Variants in SERPINB4 observed in about 807,000 individuals in gnomAD.
SERPINB4 encodes the protein serpin B4.
In SERPINB4, 39 loss-of-function variants were observed where a neutral mutation model predicts 33.2. The ratio of observed to expected loss-of-function variants is 1.18; its 90% confidence interval spans 0.91 to 1.53. SERPINB4 has a LOEUF of 1.53. Ranked by LOEUF, SERPINB4 falls within the 40% of genes most tolerant of loss-of-function variation. SERPINB4 has a pLI of 0.00. For synonymous variants in SERPINB4, 191 were observed against 166.4 expected (o/e 1.15, Z -1.14); for missense variants, 564 against 455.4 (o/e 1.24, Z -2.17).
At chr18:63,641,325 A>G (rs72933786) in intron 4 of SERPINB4, among the ~76,000 whole-genome samples, 1 of 151,912 alleles carries the variant, frequency 6.6e-6, no homozygotes, top group Non-Finnish European at 1.5e-5. Flanking sequence ...GATGTTTCTG[A>G]TCTTTGTTTT....
chr18:63,643,966 T>C (rs1232540378), intron 1 of SERPINB4, among the ~76,000 whole-genome samples: 1 of 151,886 alleles, frequency 6.6e-6, no homozygotes, highest in Non-Finnish European at 1.5e-5. Flanking sequence ...TGACATCTCC[T>C]TCAAGACTCT....
chr18:63,639,391 A>ATT, intron 6 of SERPINB4, 51 bp from the exon 7 acceptor site: 3 of 1,529,444 alleles, frequency 2.0e-6, no homozygotes, highest in Non-Finnish European at 2.7e-6. Flanking sequence ...ACAAGACAAA[A>ATT]AAGATAATAT....
At position 63,639,765 on chromosome 18, in the gene SERPINB4, T is replaced by A. The variant is rs574609396; in HGVS notation, c.481A>T (p.Asn161Tyr). 9 of 1,608,520 alleles carry A rather than the reference T, an allele frequency of 5.6e-6. No homozygotes were observed. Among genetic ancestry groups the A allele is most frequent in the Non-Finnish European group, 7.6e-6 (9 of 1,177,658 alleles). Residue 161 changes from asparagine (N) to tyrosine (Y), a missense_variant, in exon 6 of 8, where the codon AAC becomes TAC. Coordinates refer to ENST00000341074, the MANE Select transcript of SERPINB4 (RefSeq NM_002974.4). ...VESQTNEKIKNLFPDGTIGND... is the reference protein window; with the variant it reads ...VESQTNEKIKYLFPDGTIGND... Reference sequence around the variant, plus strand: ...CCAATAGTCCCATCAGGAAATAGGTTTTTAATTTTTTCTGCAAGGGAAAGA... The same window carrying A: ...CCAATAGTCCCATCAGGAAATAGGTATTTAATTTTTTCTGCAAGGGAAAGA...
chr18:63,638,274 A>G (rs1490553346), intron 7 of SERPINB4, 151 bp from the exon 8 acceptor site: 1 of 852,320 alleles, frequency 1.2e-6, no homozygotes, highest in African/African-American at 1.7e-5. Context: ...TCTAATAGGT[A>G]AAATATGAGT....
At position 63,637,604 on chromosome 18, in the gene SERPINB4, T is replaced by G. The variant is rs544301747; in HGVS notation, c.*115A>C. 1.8e-6 allele frequency: 2 copies of G among 1,090,638 alleles called. No homozygotes were observed. The highest frequency in any genetic ancestry group is 3.2e-5 in the African/African-American group (2 of 63,194). The allele number at this position is 1,090,638 out of a possible 1,614,324, so 67.6% of individuals were successfully genotyped here. On this transcript the variant is annotated 3_prime_UTR_variant, in exon 8 of 8. Coordinates refer to ENST00000341074, the MANE Select transcript of SERPINB4 (RefSeq NM_002974.4). ...AAATTCTTGATGATGACTATCATCATCAAGATGAGATAGAAAAGAAATATG... is the reference window on the plus strand; with the variant it reads ...AAATTCTTGATGATGACTATCATCAGCAAGATGAGATAGAAAAGAAATATG...
chr18:63,641,065 G>T, intron 4 of SERPINB4, 74 bp from the exon 5 acceptor site: 3 of 1,234,876 alleles, frequency 2.4e-6, no homozygotes, highest in East Asian at 2.3e-5. Flanking sequence ...TTACTTATTT[G>T]TAACAACAGT....
In SERPINB4 at chr18:63,640,430, C is replaced by T. The variant is rs548435033; in HGVS notation, c.469+444G>A. The stretch of plus-strand genomic sequence containing the variant: ...AGAACACATTGGCTACAGATGTGAT[C>T]CAGGCAGCTCCAGCTCAGAGACAAA... On this transcript the variant is annotated intron_variant, in intron 5 of 7. Coordinates refer to ENST00000341074, the MANE Select transcript of SERPINB4 (RefSeq NM_002974.4). Among the ~76,000 whole-genome samples, 14 of 152,120 alleles carry T rather than the reference C, an allele frequency of 9.2e-5. No homozygotes were observed. In the South Asian group the frequency reaches 2.7e-3, roughly 29 times the overall value.
intron 3 of SERPINB4, 91 bp downstream of exon 3, chr18:63,643,070 A>T: frequency 6.5e-7 from 1 of 1,527,070 alleles, no homozygotes; most frequent in Non-Finnish European, 9.0e-7. Context: ...TTTCCCTAAA[A>T]CTGGCCTTTT....
rs556426973 is a variant in SERPINB4, at chr18:63,642,650, G to T, written c.222+511C>A. Among the ~76,000 whole-genome samples the T allele has an allele frequency of 3.9e-5, 6 of 152,070 alleles. No individual in the cohort carries two copies. The South Asian group carries it at 8.3e-4, about 21-fold the overall frequency. ...CATTTTCCAAAATATACTTGGACTTGTGCTTATTCCTCTGAATCTCATTAA... is the reference window on the plus strand; with the variant it reads ...CATTTTCCAAAATATACTTGGACTTTTGCTTATTCCTCTGAATCTCATTAA... On this transcript the variant is annotated intron_variant, in intron 3 of 7. Transcript: ENST00000341074.
intron 6 of SERPINB4, 110 bp downstream of exon 6, chr18:63,639,524 A>G: frequency 9.9e-7 from 1 of 1,006,330 alleles, no homozygotes; most frequent in Non-Finnish European, 1.4e-6. Context: ...CAACAAAATA[A>G]CAGACATGAA....
Position 63,642,136 on chromosome 18 carries a change from G to A in SERPINB4, c.223-248C>T, listed in dbSNP as rs140137660. Among the ~76,000 whole-genome samples, 132 of 152,152 alleles carry A rather than the reference G, an allele frequency of 8.7e-4. 1 individual carries two copies. In the East Asian group the frequency reaches 0.019, roughly 22 times the overall value. On this transcript the variant is annotated intron_variant, in intron 3 of 7. Transcript: ENST00000341074. ...TTCTCTTCTGAACTAAAGATGCAGC[G>A]CTGTCTACCAGTAGATTTTCTCCTT...
At chr18:63,639,571 CA>C in intron 6 of SERPINB4, 62 bp downstream of exon 6, 1 of 1,185,380 alleles carries the variant, frequency 8.4e-7, no homozygotes, top group Middle Eastern at 2.1e-4. Flanking sequence ...TACATTCCAT[CA>C]GAAATGTTTA....
intron 5 of SERPINB4, 65 bp downstream of exon 5, chr18:63,640,809 G>T (rs761609096): frequency 2.1e-6 from 3 of 1,396,886 alleles, no homozygotes; most frequent in Non-Finnish European, 3.0e-6. Context: ...CCCATGCAGT[G>T]TCAAGCACAA....
intron 4 of SERPINB4, among the ~76,000 whole-genome samples, 177 bp downstream of exon 4, chr18:63,641,583 G>A (rs759596410): frequency 6.6e-5 from 10 of 151,976 alleles, no homozygotes; most frequent in South Asian, 4.1e-4. Flanking sequence ...GTGATGTATC[G>A]TTGGGGTCTG....
chr18:63,640,739 C>T (rs2144469500), intron 5 of SERPINB4, 135 bp downstream of exon 5: 1 of 672,148 alleles, frequency 1.5e-6, no homozygotes, highest in East Asian at 2.7e-5. Flanking sequence ...ACAAATCCTT[C>T]ATCTGGAGTG....
At chr18:63,641,519 T>A (rs1252965209) in intron 4 of SERPINB4, among the ~76,000 whole-genome samples, 1 of 152,064 alleles carries the variant, frequency 6.6e-6, no homozygotes, top group Admixed American at 6.6e-5. Context: ...TCTTACTCAC[T>A]CTATTACACA....
At chr18:63,639,912 G>A (rs1913070885) in intron 5 of SERPINB4, 136 bp from the exon 6 acceptor site, 1 of 810,064 alleles carries the variant, frequency 1.2e-6, no homozygotes, top group Non-Finnish European at 2.0e-6. Flanking sequence ...TTTGATCTTT[G>A]AATTGTTAGA....
chr18:63,638,098 T>C lies in SERPINB4; in HGVS notation c.794A>G (p.Lys265Arg), dbSNP rs1183281468. The C allele has an allele frequency of 6.2e-7, 1 of 1,613,054 alleles. No homozygotes were observed. Among genetic ancestry groups the C allele is most frequent in the African/African-American group, 1.3e-5 (1 of 74,846 alleles). Reference sequence around the variant, plus strand: ...CTGCAAACTTGTCCATTCCATCAATTTCTCAGCAGTGAGTTTCTCTTCAAG... The same window carrying C: ...CTGCAAACTTGTCCATTCCATCAATCTCTCAGCAGTGAGTTTCTCTTCAAG... ...QKLEEKLTAE[K>R]LMEWTSLQNM... is the part of the protein sequence containing the mutation. Residue 265 changes from lysine to arginine, a missense_variant, in exon 8 of 8, where the codon AAA becomes AGA. Transcript: ENST00000341074.
chr18:63,641,945 C>T (rs547303369), intron 3 of SERPINB4, 57 bp from the exon 4 acceptor site: 2 of 1,605,768 alleles, frequency 1.2e-6, no homozygotes, highest in Admixed American at 3.4e-5. Flanking sequence ...AATACTAAAC[C>T]CATGCTAAGT....
Sources: gnomAD v4.1 joint callset for allele counts (sites outside exome capture counted in the v4.1 genomes callset) on GRCh38, gnomAD v4.1.1 for gene constraint, MANE v1.5 for transcripts, NCBI Gene and HGNC (gene_info 2026-07-23, HGNC 2026-07-21) for gene names.